GLIS3: variants seen among roughly 807,000 people sequenced by gnomAD.
The protein encoded by GLIS3 is zinc finger protein GLIS3.
In GLIS3, 53 loss-of-function variants were observed where a neutral mutation model predicts 78.6. The observed-to-expected ratio is 0.67, with a 90% confidence interval of 0.54 to 0.85. The LOEUF is 0.85. GLIS3 is among the 40% of genes least tolerant of loss of function. The pLI is 0.00. For missense variants in GLIS3, 1,703 were observed against 1,231.1 expected (o/e 1.38, Z -5.74); for synonymous variants, 684 against 509.9 (o/e 1.34, Z -4.60).
intron 2 of GLIS3, among the ~76,000 whole-genome samples, chr9:4,320,309 A>T (rs1211617506): frequency 6.6e-6 from 1 of 152,162 alleles, no homozygotes; most frequent in East Asian, 1.9e-4. Context: ...TGGATAATAA[A>T]GAATAAACAG....
At chr9:3,975,459 C>A (rs1818704225) in intron 4 of GLIS3, among the ~76,000 whole-genome samples, 2 of 152,118 alleles carry the variant, frequency 1.3e-5, no homozygotes, top group South Asian at 2.1e-4. Flanking sequence ...GTCAAAGTAA[C>A]CTTGGGCGAT....
At chr9:3,943,240 G>A (rs967564146) in intron 4 of GLIS3, among the ~76,000 whole-genome samples, 1 of 152,134 alleles carries the variant, frequency 6.6e-6, no homozygotes, top group Admixed American at 6.5e-5. Flanking sequence ...GCTACATAAG[G>A]GAGAAAAAGA....
At chr9:4,085,734 G>T (rs1006540134) in intron 4 of GLIS3, among the ~76,000 whole-genome samples, 2 of 152,114 alleles carry the variant, frequency 1.3e-5, no homozygotes, top group African/African-American at 2.4e-5. Flanking sequence ...AATAGTCAGT[G>T]AATTCTCATG....
chr9:4,001,487 A>T (rs1331639038), intron 4 of GLIS3, among the ~76,000 whole-genome samples: 2 of 152,198 alleles, frequency 1.3e-5, no homozygotes, highest in Non-Finnish European at 2.9e-5. Flanking sequence ...TCAAACAATA[A>T]CACAAGACAA....
At chr9:4,066,977 C>A (rs1029547547) in intron 4 of GLIS3, among the ~76,000 whole-genome samples, 1 of 152,164 alleles carries the variant, frequency 6.6e-6, no homozygotes, top group Non-Finnish European at 1.5e-5. Context: ...AACTCACAAA[C>A]CTGTCCACCA....
intron 4 of GLIS3, among the ~76,000 whole-genome samples, chr9:4,049,358 T>C (rs2130454256): frequency 6.6e-6 from 1 of 152,218 alleles, no homozygotes; most frequent in East Asian, 1.9e-4. Context: ...CCCTACAACG[T>C]GATTGTTAAA....
intron 4 of GLIS3, among the ~76,000 whole-genome samples, chr9:4,016,200 C>T (rs1822422950): frequency 6.6e-6 from 1 of 152,158 alleles, no homozygotes; most frequent in South Asian, 2.1e-4. Context: ...CCCAAACACC[C>T]CTCACCCAGA....
At chr9:4,038,684 T>C (rs1395553342) in intron 4 of GLIS3, among the ~76,000 whole-genome samples, 2 of 152,206 alleles carry the variant, frequency 1.3e-5, no homozygotes, top group South Asian at 4.1e-4. Context: ...GGCCCTTTGG[T>C]AAGTGACATA....
At chr9:3,829,214 T>A in intron 10 of GLIS3, 96 bp downstream of exon 10, 1 of 1,018,792 alleles carries the variant, frequency 9.8e-7, no homozygotes, top group Non-Finnish European at 1.6e-6. Flanking sequence ...TGCGGTCATG[T>A]GCTTGGTCAC....
chr9:4,079,585 G>A (rs908056619), intron 4 of GLIS3, among the ~76,000 whole-genome samples: 1 of 152,148 alleles, frequency 6.6e-6, no homozygotes, highest in Non-Finnish European at 1.5e-5. Context: ...TTGGGATGCC[G>A]TTAAAGTCAC....
chr9:4,448,228 C>A, the GLIS3 span, among the ~76,000 whole-genome samples: 32 of 152,206 alleles, frequency 2.1e-4, no homozygotes, highest in African/African-American at 7.7e-4. Context: ...TCCCCATTCC[C>A]ATTTGCCTAT....
the GLIS3 span, among the ~76,000 whole-genome samples, chr9:4,450,086 G>A: frequency 6.6e-6 from 1 of 152,126 alleles, no homozygotes; most frequent in Admixed American, 6.6e-5. Flanking sequence ...TCACAAGGAA[G>A]CTAAAAACCT....
the GLIS3 span, among the ~76,000 whole-genome samples, chr9:4,433,032 T>G: frequency 1.3e-5 from 2 of 152,178 alleles, no homozygotes; most frequent in African/African-American, 4.8e-5. Context: ...CCCAGGTGTT[T>G]ATAACCCTTA....
intron 7 of GLIS3, 92 bp from the exon 8 acceptor site, chr9:3,879,687 G>A: frequency 7.2e-7 from 1 of 1,394,394 alleles, no homozygotes; most frequent in Non-Finnish European, 1.0e-6. Flanking sequence ...ATATTTGAGG[G>A]GCTTGCTTGT....
chr9:4,377,487 T>C, the GLIS3 span, among the ~76,000 whole-genome samples: 2 of 135,434 alleles, frequency 1.5e-5, no homozygotes, highest in Admixed American at 1.5e-4. Flanking sequence ...TCTTTCTTCC[T>C]CAGCTTACAG....
intron 2 of GLIS3, among the ~76,000 whole-genome samples, chr9:4,138,420 G>C (rs779877616): frequency 6.6e-6 from 1 of 152,180 alleles, no homozygotes; most frequent in African/African-American, 2.4e-5. Context: ...AAATTGAGTT[G>C]CTTCACTGCT....
intron 4 of GLIS3, among the ~76,000 whole-genome samples, chr9:4,116,966 T>C (rs781367491): frequency 5.3e-5 from 8 of 152,152 alleles, no homozygotes; most frequent in South Asian, 2.1e-4. Flanking sequence ...AGGTGTGAAA[T>C]TGTTGTGAAA....
At chr9:4,127,407 C>T (rs1164637632) in intron 2 of GLIS3, among the ~76,000 whole-genome samples, 1 of 152,114 alleles carries the variant, frequency 6.6e-6, no homozygotes, top group African/African-American at 2.4e-5. Context: ...TAAACCAGAA[C>T]CTCTCCTTGA....
chr9:4,255,817 T>C lies in GLIS3; in HGVS notation c.388+30221A>G, dbSNP rs190495405. ...GTCACTATAAATTTGCCCAAACTCA[T>C]AGAATGTACAATAAGAGTGAACCCT... On this transcript the variant is annotated intron_variant, in intron 2 of 10. Transcript: ENST00000381971. 2.8e-3 allele frequency among the ~76,000 whole-genome samples: 428 copies of C among 152,170 alleles called. 1 individual carries two copies. The highest frequency in any genetic ancestry group is 9.9e-3 in the African/African-American group (409 of 41,518).
Sources: gnomAD v4.1 joint callset for allele counts (sites outside exome capture counted in the v4.1 genomes callset) on GRCh38, gnomAD v4.1.1 for gene constraint, MANE v1.5 for transcripts, NCBI Gene and HGNC (gene_info 2026-07-23, HGNC 2026-07-21) for gene names.